The following MTMR8 variants were observed in gnomAD, a reference collection of about 807,000 sequenced individuals.
MTMR8 encodes phosphatidylinositol-3,5-bisphosphate 3-phosphatase MTMR8.
A neutral mutation model predicts 39.3 loss-of-function variants in MTMR8; 65 were observed. That is an observed-to-expected ratio of 1.65 (90% CI 1.35 to 2.03). MTMR8 has a LOEUF of 2.03. Among genes scored for constraint, MTMR8 ranks in the 30% most tolerant of loss-of-function variants. The pLI, the probability that MTMR8 is intolerant of heterozygous loss-of-function variation, is 0.00. For synonymous variants in MTMR8, 245 were observed against 185.2 expected (o/e 1.32, Z -2.62); for missense variants, 777 against 538.9 (o/e 1.44, Z -4.37).
At chrX:64,341,601 C>T (rs1602138941) in intron 8 of MTMR8, among the ~76,000 whole-genome samples, 1 of 110,431 alleles carries the variant, frequency 9.1e-6, no homozygotes, top group African/African-American at 3.3e-5. Context: ...ATGGTAGTAA[C>T]CAGCCACCTA....
chrX:64,372,407 T>C (rs1924151760), intron 1 of MTMR8, among the ~76,000 whole-genome samples: 1 of 111,409 alleles, frequency 9.0e-6, no homozygotes, highest in Non-Finnish European at 1.9e-5. Flanking sequence ...TATAGCTTTG[T>C]GTAACTATCA....
chrX:64,268,326 A>G lies in MTMR8; in HGVS notation c.*211T>C, dbSNP rs1173013645. The G allele has an allele frequency of 5.0e-6, 2 of 396,564 alleles. No individual in the cohort carries two copies. The highest frequency in any genetic ancestry group is 5.0e-5 in the African/African-American group (2 of 39,680). The allele number at this position is 396,564 out of a possible 1,213,427, so 32.7% of individuals were successfully genotyped here. ...TTAAATCCCATTTTAGAACAATAAC[A>G]TATTCTTTCTCTTGCCTACACTCTG... On this transcript the variant is annotated 3_prime_UTR_variant, in exon 14 of 14. Transcript: ENST00000374852.
At chrX:64,376,688 G>T (rs773364783) in intron 1 of MTMR8, among the ~76,000 whole-genome samples, 8 of 112,707 alleles carry the variant, frequency 7.1e-5, no homozygotes, top group Non-Finnish European at 1.5e-4. Flanking sequence ...AAAACTTGCA[G>T]CCTGGTCATG....
chrX:64,279,775 T>C (rs1181763413), intron 12 of MTMR8, among the ~76,000 whole-genome samples: 1 of 111,950 alleles, frequency 8.9e-6, no homozygotes, highest in East Asian at 2.8e-4. Flanking sequence ...TGTACTGGCA[T>C]GAATACACAC....
chrX:64,311,342 G>T lies in MTMR8; in HGVS notation c.1481+17430C>A, dbSNP rs1451952308. On this transcript the variant is annotated intron_variant, in intron 12 of 13. Transcript: ENST00000374852. Reference sequence around the variant, plus strand: ...ACATGCTTTGCCCACTTTTTGATGGGGTTTTTTTTTCTTGTAAATTTGTTT... The same window carrying T: ...ACATGCTTTGCCCACTTTTTGATGGTGTTTTTTTTTCTTGTAAATTTGTTT... 2.7e-5 allele frequency among the ~76,000 whole-genome samples: 3 copies of T among 110,703 alleles called. No individual in the cohort carries two copies. The Admixed American group carries it at 2.9e-4, about 11-fold the overall frequency.
chrX:64,318,764 G>A (rs1278958316), intron 12 of MTMR8, among the ~76,000 whole-genome samples: 1 of 99,403 alleles, frequency 1.0e-5, no homozygotes, highest in Non-Finnish European at 2.0e-5. Context: ...CTGGAGTACA[G>A]TGGTGCAATC....
chrX:64,280,807 T>C (rs1044036874), intron 12 of MTMR8, among the ~76,000 whole-genome samples: 19 of 111,606 alleles, frequency 1.7e-4, no homozygotes, highest in South Asian at 1.1e-3. Flanking sequence ...CATTATTGTC[T>C]CAGTTCAAAA....
chrX:64,388,283 C>T (rs1320175994), intron 1 of MTMR8, among the ~76,000 whole-genome samples: 1 of 111,918 alleles, frequency 8.9e-6, no homozygotes, highest in Non-Finnish European at 1.9e-5. Context: ...TGTGTCATTG[C>T]CCCCAACAGC....
At chrX:64,301,215 A>T (rs374010447) in intron 12 of MTMR8, among the ~76,000 whole-genome samples, 4 of 109,260 alleles carry the variant, frequency 3.7e-5, no homozygotes, top group Non-Finnish European at 7.6e-5. Context: ...CAGGTACACC[A>T]ATCAGACGTA....
At chrX:64,279,901 C>A (rs912363055) in intron 12 of MTMR8, among the ~76,000 whole-genome samples, 4 of 112,017 alleles carry the variant, frequency 3.6e-5, no homozygotes, top group African/African-American at 1.3e-4. Flanking sequence ...GTCTTTCAAA[C>A]AAATGGGTGC....
chrX:64,358,843 G>GCACACA (rs762422321), intron 2 of MTMR8, among the ~76,000 whole-genome samples: 2,190 of 91,127 alleles, frequency 0.024, 85 homozygotes, highest in African/African-American at 0.087. Flanking sequence ...GCCCGTGCAT[G>GCACACA]CACACACACA....
chrX:64,286,330 C>T (rs1242427610), intron 12 of MTMR8, among the ~76,000 whole-genome samples: 2 of 111,602 alleles, frequency 1.8e-5, no homozygotes, highest in African/African-American at 6.5e-5. Flanking sequence ...AATAGCTTAC[C>T]AAACAAAAAA....
At chrX:64,362,925 T>C (rs1481461477) in intron 1 of MTMR8, among the ~76,000 whole-genome samples, 1 of 110,772 alleles carries the variant, frequency 9.0e-6, no homozygotes, top group African/African-American at 3.3e-5. Context: ...ATATGAAGCA[T>C]AAGAACAGGC....
intron 4 of MTMR8, among the ~76,000 whole-genome samples, chrX:64,353,363 C>A: frequency 9.0e-6 from 1 of 111,626 alleles, no homozygotes; most frequent in East Asian, 2.9e-4. Flanking sequence ...GGATTAATAA[C>A]CAGAAAATAT....
chrX:64,312,899 C>T (rs1050940905), intron 12 of MTMR8, among the ~76,000 whole-genome samples: 6 of 112,551 alleles, frequency 5.3e-5, no homozygotes, highest in African/African-American at 1.9e-4. Context: ...CTGCACAGTG[C>T]ACCTCAACAG....
intron 12 of MTMR8, among the ~76,000 whole-genome samples, chrX:64,284,142 G>A (rs759660700): frequency 8.9e-6 from 1 of 112,266 alleles, no homozygotes; most frequent in Admixed American, 9.5e-5. Flanking sequence ...ACCAGATGGA[G>A]CTGAAAACCA....
At chrX:64,305,394 A>G (rs1922074272) in intron 12 of MTMR8, 2 of 240,102 alleles carry the variant, frequency 8.3e-6, no homozygotes, top group Non-Finnish European at 1.5e-5. Context: ...TATTCTTGGT[A>G]CAATATTGGC....
At position 64,331,762 on chromosome X, in the gene MTMR8, G is replaced by C; in HGVS notation, c.1152-5C>G. 1 of 1,192,724 alleles carries C rather than the reference G, an allele frequency of 8.4e-7. No homozygotes were observed. Among genetic ancestry groups the C allele is most frequent in the African/African-American group, 1.7e-5 (1 of 57,441 alleles). On this transcript the variant is annotated splice_region_variant and splice_polypyrimidine_tract_variant and intron_variant, in intron 10 of 13. Transcript: ENST00000374852. ...TCCCCATCGAGGTGGCCACACCTGA[G>C]AGATGAAAATAAAGGTAAAGAAAGA...
intron 10 of MTMR8, among the ~76,000 whole-genome samples, chrX:64,334,570 TAAAAAAAAAAA>T (rs537003359): frequency 1.4e-5 from 1 of 69,328 alleles, no homozygotes; most frequent in Non-Finnish European, 2.9e-5. Context: ...TCTTTCAGCT[TAAAAAAAAAAA>T]AAAAAAAAAA....
Sources: gnomAD v4.1 joint callset for allele counts (sites outside exome capture counted in the v4.1 genomes callset) on GRCh38, gnomAD v4.1.1 for gene constraint, MANE v1.5 for transcripts, NCBI Gene and HGNC (gene_info 2026-07-23, HGNC 2026-07-21) for gene names.